PCNX1: variants seen among roughly 807,000 people sequenced by gnomAD.
PCNX1 encodes the protein pecanex 1.
In PCNX1, 78 loss-of-function variants were observed where a neutral mutation model predicts 242.2. The ratio of observed to expected loss-of-function variants is 0.32; its 90% CI spans 0.27 to 0.39. PCNX1 has a LOEUF of 0.39. Among genes scored for constraint, PCNX1 ranks in the 10% least tolerant of loss-of-function variants. The pLI, the probability that PCNX1 is intolerant of heterozygous loss-of-function variation, is 1.00. For synonymous variants in PCNX1, 1,024 were observed against 1,032.9 expected (o/e 0.99, Z 0.17); for missense variants, 2,581 against 2,856.5 (o/e 0.90, Z 2.20).
chr14:71,101,658 G>A (rs1340032543), intron 30 of PCNX1, among the ~76,000 whole-genome samples: 2 of 151,766 alleles, frequency 1.3e-5, no homozygotes, highest in South Asian at 2.1e-4. Context: ...TAATAGTGAC[G>A]TAATCCTTCA....
chr14:70,913,790 C>T (rs1227952897), intron 1 of PCNX1, among the ~76,000 whole-genome samples: 1 of 152,134 alleles, frequency 6.6e-6, no homozygotes, highest in Non-Finnish European at 1.5e-5. Context: ...ATTTATATTT[C>T]TCTAAAAGTT....
At chr14:70,939,489 C>G (rs2057146160) in intron 1 of PCNX1, among the ~76,000 whole-genome samples, 1 of 152,176 alleles carries the variant, frequency 6.6e-6, no homozygotes, top group Non-Finnish European at 1.5e-5. Flanking sequence ...GCACTGTGGT[C>G]TGAGAGACAG....
chr14:70,927,844 T>G lies in PCNX1; in HGVS notation c.154-19071T>G, dbSNP rs56381228. Among the ~76,000 whole-genome samples the G allele has an allele frequency of 8.6e-3, 1,312 of 152,206 alleles. 25 individuals are homozygous for G. Among genetic ancestry groups the G allele is most frequent in the African/African-American group, 0.03 (1,237 of 41,512 alleles). On this transcript the variant is annotated intron_variant, in intron 1 of 35. Transcript: ENST00000304743. Reference sequence around the variant, plus strand: ...CTCAAGTGATCCTCCCACCTTGGCCTCCCAAAGTGCTGGCATTACAGGTGT... The same window carrying G: ...CTCAAGTGATCCTCCCACCTTGGCCGCCCAAAGTGCTGGCATTACAGGTGT...
rs201898482 is a variant in PCNX1 at position 70,962,343 on chromosome 14, C to G, written c.468+12C>G. On this transcript the variant is annotated intron_variant, in intron 3 of 35. Transcript: ENST00000304743. ...ATCCAAGCAACCAGGTAGGAACCTG[C>G]GCTGTTTTATTTTGCCTTTTTCCCT... The G allele has an allele frequency of 1.8e-5, 27 of 1,531,814 alleles. No individual in the cohort carries two copies. The East Asian group carries it at 5.6e-4, about 32-fold the overall frequency. 94.9% of individuals were successfully genotyped at this position (1,531,814 alleles called of 1,614,324 possible).
At chr14:71,029,033 G>A (rs2060311783) in intron 16 of PCNX1, among the ~76,000 whole-genome samples, 1 of 152,056 alleles carries the variant, frequency 6.6e-6, no homozygotes, top group African/African-American at 2.4e-5. Flanking sequence ...ATTAGAAACA[G>A]ATTATTGAAA....
In PCNX1 at chr14:70,907,864, C is replaced by T. The variant is rs1025613842; in HGVS notation, c.14C>T (p.Thr5Met). Residue 5 changes from threonine (T) to methionine (M), a missense_variant, in exon 1 of 36, where the codon ACG becomes ATG. Physicochemically the swap from Thr to Met is moderately conservative, Grantham distance 81 (BLOSUM62 -1). Around this residue, in one of 9 missense-constraint regions of PCNX1, gnomAD observed 1,204 missense variants for 1,216.7 expected, o/e 0.99. Transcript: ENST00000304743. ...CGCCGGGTGGGGATGGGGTCGCAGA[C>T]GCTGCAGATCCTCCGACAGGGGGTG... MGSQ[T>M]LQILRQGVWA... 11 of 1,443,160 alleles carry T rather than the reference C, an allele frequency of 7.6e-6. No individual in the cohort carries two copies. Among genetic ancestry groups the T allele is most frequent in the East Asian group, 2.8e-5 (1 of 35,242 alleles). The allele number at this position is 1,443,160 out of a possible 1,614,324, so 89.4% of individuals were successfully genotyped here. A position where few individuals can be genotyped will look rare whatever the true frequency, so the allele number is the denominator to read the frequency against.
intron 12 of PCNX1, among the ~76,000 whole-genome samples, chr14:71,019,639 AT>A (rs1399362536): frequency 6.6e-6 from 1 of 152,120 alleles, no homozygotes; most frequent in Admixed American, 6.5e-5. Context: ...TGACCTCGTG[AT>A]CCGCCTGCCT....
intron 16 of PCNX1, 106 bp downstream of exon 16, chr14:71,028,897 T>C (rs2140897692): frequency 1.7e-6 from 1 of 602,174 alleles, no homozygotes; most frequent in East Asian, 3.0e-5. Context: ...TCGCTTAGCA[T>C]TAATTTTCAT....
intron 30 of PCNX1, among the ~76,000 whole-genome samples, chr14:71,096,018 A>T (rs560038301): frequency 1.3e-4 from 20 of 152,140 alleles, no homozygotes; most frequent in African/African-American, 3.6e-4. Context: ...TCTACAAAAA[A>T]TTTTTTAAAA....
At chr14:71,013,274 C>G in intron 11 of PCNX1, 72 bp downstream of exon 11, 1 of 1,181,864 alleles carries the variant, frequency 8.5e-7, no homozygotes, top group Admixed American at 1.7e-5. Context: ...TAATTACCCA[C>G]TGAGGTTTTT....
At chr14:70,945,737 G>A (rs1233398423) in intron 1 of PCNX1, among the ~76,000 whole-genome samples, 1 of 151,370 alleles carries the variant, frequency 6.6e-6, no homozygotes, top group Non-Finnish European at 1.5e-5. Flanking sequence ...GCATGATCTT[G>A]GCTCACTAGA....
chr14:71,083,951 G>A (rs1404465649), intron 28 of PCNX1, among the ~76,000 whole-genome samples: 1 of 152,094 alleles, frequency 6.6e-6, no homozygotes, highest in East Asian at 1.9e-4. Flanking sequence ...GGAATTTTCG[G>A]CCTTTTTGCA....
At chr14:71,098,359 T>G (rs1595500176) in intron 30 of PCNX1, among the ~76,000 whole-genome samples, 1 of 152,214 alleles carries the variant, frequency 6.6e-6, no homozygotes, top group South Asian at 2.1e-4. Context: ...AGCTGTAGAT[T>G]GCCTTGGGCA....
At chr14:71,007,386 C>A (rs990999824) in intron 8 of PCNX1, among the ~76,000 whole-genome samples, 2 of 151,840 alleles carry the variant, frequency 1.3e-5, no homozygotes, top group African/African-American at 4.8e-5. Context: ...TTTTAATATA[C>A]CAAGAACAGA....
intron 24 of PCNX1, among the ~76,000 whole-genome samples, chr14:71,054,203 A>G (rs896192901): frequency 2.6e-5 from 4 of 152,230 alleles, no homozygotes; most frequent in Non-Finnish European, 4.4e-5. Context: ...ATCTAAAACC[A>G]TATCTGTGAA....
At chr14:71,046,476 C>T (rs1439815011) in intron 20 of PCNX1, among the ~76,000 whole-genome samples, 1 of 151,880 alleles carries the variant, frequency 6.6e-6, no homozygotes, top group East Asian at 1.9e-4. Flanking sequence ...TTCCTAAAGC[C>T]AGGTGATGCT....
At chr14:71,037,961 C>T (rs2060591918) in intron 19 of PCNX1, among the ~76,000 whole-genome samples, 2 of 127,644 alleles carry the variant, frequency 1.6e-5, no homozygotes, top group South Asian at 5.8e-4. Context: ...CTGAGAAAAA[C>T]AAGCAATGGG....
intron 1 of PCNX1, among the ~76,000 whole-genome samples, chr14:70,927,275 C>T (rs1370071630): frequency 6.6e-6 from 1 of 152,158 alleles, no homozygotes; most frequent in Non-Finnish European, 1.5e-5. Flanking sequence ...GTAAGTGTGT[C>T]TTAGTTGCCT....
intron 26 of PCNX1, among the ~76,000 whole-genome samples, chr14:71,063,580 T>C (rs1178252641): frequency 1.3e-5 from 2 of 152,194 alleles, no homozygotes; most frequent in African/African-American, 4.8e-5. Context: ...CTTTGGTTAC[T>C]TCCTTTTCTT....
Sources: allele counts gnomAD v4.1 joint callset (sites outside exome capture counted in the v4.1 genomes callset), GRCh38; gene constraint gnomAD v4.1.1; regional missense constraint gnomAD v4.1.1; transcripts MANE v1.5; gene names NCBI Gene and HGNC (gene_info 2026-07-23, HGNC 2026-07-21).